The following ITPR2 variants were observed in gnomAD, a reference collection of about 807,000 sequenced individuals.
The protein encoded by ITPR2 is inositol 1,4,5-trisphosphate receptor type 2, also known as inositol 1,4,5-trisphosphate-gated calcium channel ITPR2.
ITPR2 carries 207 observed loss-of-function variants against 317.1 expected under a neutral mutation model. The observed-to-expected ratio is 0.65, with a 90% confidence interval of 0.58 to 0.73. The LOEUF (loss-of-function observed/expected upper bound fraction) is 0.73. ITPR2 is among the 30% of genes least tolerant of loss of function. The probability of loss-of-function intolerance (pLI) is 0.00; values close to 1 mark genes in which losing one functional copy is unlikely to be tolerated. For missense variants in ITPR2, 2,613 were observed against 3,284.0 expected (o/e 0.80, Z 4.99); for synonymous variants, 1,156 against 1,149.1 (o/e 1.01, Z -0.12).
chr12:26,616,359 G>A (rs905883402), intron 26 of ITPR2, among the ~76,000 whole-genome samples: 9 of 151,768 alleles, frequency 5.9e-5, no homozygotes, highest in African/African-American at 9.7e-5. Context: ...GGATGGTCTC[G>A]ATCTCCTGAC....
rs370599538 is a variant in ITPR2, at chr12:26,556,566, T to TTTTTTG, written c.4822-192_4822-191insCAAAAA. 5.8e-4 allele frequency among the ~76,000 whole-genome samples: 79 copies of TTTTTTG among 136,264 alleles called. 1 individual carries two copies. In the South Asian group the frequency reaches 6.0e-3, roughly 10 times the overall value. The allele number at this position is 136,264 out of a possible 152,430, so 89.4% of individuals were successfully genotyped here. ...ATTGCCTGGGTCTCTATTTTTTTTT[T>TTTTTTG]TGTGTGTGTGTGTGTGTGTGTGTGT... On this transcript the variant is annotated intron_variant, in intron 35 of 56. Transcript: ENST00000381340.
At chr12:26,411,152 G>A in intron 52 of ITPR2, 168 bp downstream of exon 52, 1 of 567,920 alleles carries the variant, frequency 1.8e-6, no homozygotes, top group Non-Finnish European at 3.1e-6. Context: ...AATGACCAAT[G>A]TGGGAATCCT....
chr12:26,556,288 G>A lies in ITPR2; in HGVS notation c.4909C>T (p.Leu1637=). The change falls in exon 36 of 57, where the codon CTG becomes TTG. Residue 1637 remains leucine (L), a synonymous_variant. Coordinates refer to ENST00000381340, the MANE Select transcript of ITPR2 (RefSeq NM_002223.4). ...GCATCGCTTCCCTCAGGGAACAGCA[G>A]TTCTGGACTGTACAATACATCAACC... The part of the protein sequence containing the change: ...VLVDVLYSPE[L]LFPEGSDARI... 1 of 1,614,092 alleles carries A rather than the reference G, an allele frequency of 6.2e-7. No individual in the cohort carries two copies. Among genetic ancestry groups the A allele is most frequent in the Non-Finnish European group, 8.5e-7 (1 of 1,179,982 alleles).
intron 34 of ITPR2, among the ~76,000 whole-genome samples, chr12:26,567,964 ATATAT>A (rs1472200401): frequency 2.5e-4 from 5 of 19,986 alleles, no homozygotes; most frequent in African/African-American, 8.3e-4. Flanking sequence ...ATATATATAT[ATATAT>A]TATATATATT....
At chr12:26,390,409 T>A (rs564541420) in intron 54 of ITPR2, among the ~76,000 whole-genome samples, 15 of 152,294 alleles carry the variant, frequency 9.8e-5, no homozygotes, top group Non-Finnish European at 1.6e-4. Flanking sequence ...TATGACAGGA[T>A]AATTTTTTAC....
chr12:26,632,141 A>G (rs1339047387), intron 21 of ITPR2, 82 bp from the exon 22 acceptor site: 1 of 1,076,904 alleles, frequency 9.3e-7, no homozygotes, highest in Non-Finnish European at 1.3e-6. Flanking sequence ...TCACAACCAC[A>G]CTGAAAAGCA....
At chr12:26,451,883 G>A (rs1240571680) in intron 45 of ITPR2, among the ~76,000 whole-genome samples, 1 of 152,206 alleles carries the variant, frequency 6.6e-6, no homozygotes. Flanking sequence ...TAGTAAGCAT[G>A]CTATCTTTGT....
Position 26,599,133 on chromosome 12 carries a change from C to T in ITPR2, c.4002+12G>A. On this transcript the variant is annotated intron_variant, in intron 30 of 56. Transcript: ENST00000381340. Reference sequence around the variant, plus strand: ...TTAGGTGAAGCTGATAAAAGGCAAACTGAGAACATACCTCTGTCATTACCA... The same window carrying T: ...TTAGGTGAAGCTGATAAAAGGCAAATTGAGAACATACCTCTGTCATTACCA... 6.2e-7 allele frequency: 1 copy of T among 1,612,978 alleles called. No individual in the cohort carries two copies. Among genetic ancestry groups the T allele is most frequent in the Non-Finnish European group, 8.5e-7 (1 of 1,178,992 alleles).
At position 26,711,158 on chromosome 12, in the gene ITPR2, ATCC is replaced by A; in HGVS notation, c.951+12_951+14del. 1 of 1,566,120 alleles carries A rather than the reference ATCC, an allele frequency of 6.4e-7. No individual in the cohort carries two copies. Among genetic ancestry groups the A allele is most frequent in the East Asian group, 2.2e-5 (1 of 44,562 alleles). On this transcript the variant is annotated intron_variant, in intron 9 of 56. Transcript: ENST00000381340. ...AGAGTCAGAAACTTAATACCACTTTATCCATTAGTCTTACCTCTGCAGCTAAAT... is the reference window on the plus strand; with the variant it reads ...AGAGTCAGAAACTTAATACCACTTTAATTAGTCTTACCTCTGCAGCTAAAT...
At chr12:26,727,757 G>C (rs990980943) in intron 2 of ITPR2, among the ~76,000 whole-genome samples, 3 of 152,182 alleles carry the variant, frequency 2.0e-5, no homozygotes, top group Admixed American at 2.0e-4. Context: ...CTTCACAAGG[G>C]AGCTCTGGAG....
intron 26 of ITPR2, among the ~76,000 whole-genome samples, chr12:26,604,009 G>C (rs561047935): frequency 6.6e-6 from 1 of 152,246 alleles, no homozygotes; most frequent in South Asian, 2.1e-4. Context: ...TGCAGTTAAA[G>C]GGGACCCTAG....
chr12:26,803,356 G>C (rs886271775), intron 1 of ITPR2, among the ~76,000 whole-genome samples: 5 of 99,286 alleles, frequency 5.0e-5, no homozygotes, highest in African/African-American at 1.6e-4. Flanking sequence ...CATATAGTAA[G>C]TGCAAAAAAA....
intron 55 of ITPR2, among the ~76,000 whole-genome samples, chr12:26,381,385 C>G (rs1282646165): frequency 6.6e-6 from 1 of 152,108 alleles, no homozygotes; most frequent in Non-Finnish European, 1.5e-5. Flanking sequence ...TTTATTCATT[C>G]AATAAATGTT....
rs141557805 is a variant in ITPR2 at position 26,375,181 on chromosome 12, C to T, written c.7857+12253G>A. 4.5e-3 allele frequency among the ~76,000 whole-genome samples: 682 copies of T among 152,238 alleles called. 9 individuals carry two copies. Among genetic ancestry groups the T allele is most frequent in the African/African-American group, 0.016 (650 of 41,534 alleles). On this transcript the variant is annotated intron_variant, in intron 55 of 56. Coordinates refer to ENST00000381340, the MANE Select transcript of ITPR2 (RefSeq NM_002223.4). ...ATGTGGACATTATTATTCCAGAAAG[C>T]CAACTGAGAATTGAACAAGATCTTA... is the stretch of plus-strand genomic sequence containing the variant.
intron 1 of ITPR2, among the ~76,000 whole-genome samples, chr12:26,826,407 A>G (rs1951010334): frequency 6.6e-6 from 1 of 152,228 alleles, no homozygotes; most frequent in Non-Finnish European, 1.5e-5. Flanking sequence ...GTAAACAGTT[A>G]CACAGTCTCA....
chr12:26,522,192 A>T (rs907656074), intron 37 of ITPR2, among the ~76,000 whole-genome samples: 2 of 152,222 alleles, frequency 1.3e-5, no homozygotes, highest in African/African-American at 4.8e-5. Flanking sequence ...ACCAACCTGT[A>T]TAATGCTGAT....
intron 41 of ITPR2, among the ~76,000 whole-genome samples, chr12:26,485,596 C>A (rs1287035518): frequency 6.6e-6 from 1 of 152,234 alleles, no homozygotes; most frequent in Non-Finnish European, 1.5e-5. Flanking sequence ...AGATATGACA[C>A]TGACTACATT....
At chr12:26,444,369 C>G (rs1327491422) in intron 45 of ITPR2, among the ~76,000 whole-genome samples, 1 of 152,042 alleles carries the variant, frequency 6.6e-6, no homozygotes, top group Non-Finnish European at 1.5e-5. Context: ...ATTCCTGAAA[C>G]CTTGCAATAT....
chr12:26,427,033 C>T (rs1220375706), intron 49 of ITPR2, among the ~76,000 whole-genome samples: 1 of 151,836 alleles, frequency 6.6e-6, no homozygotes, highest in Non-Finnish European at 1.5e-5. Flanking sequence ...GAAATATTTA[C>T]TGAGTACCTA....
Sources: allele counts gnomAD v4.1 joint callset (sites outside exome capture counted in the v4.1 genomes callset), GRCh38; gene constraint gnomAD v4.1.1; transcripts MANE v1.5; gene names NCBI Gene and HGNC (gene_info 2026-07-23, HGNC 2026-07-21).